The following ROBO1 variants were observed in gnomAD, a reference collection of about 807,000 sequenced individuals.
ROBO1 encodes the protein roundabout guidance receptor 1, also known as roundabout homolog 1.
A neutral mutation model predicts 195.9 loss-of-function variants in ROBO1; 149 were observed. That is an observed-to-expected ratio of 0.76 (90% CI 0.67 to 0.87). ROBO1 has a LOEUF of 0.87. Among genes scored for constraint, ROBO1 ranks in the 40% least tolerant of loss-of-function variants. The pLI is 0.00. For missense variants in ROBO1, 1,933 were observed against 2,068.3 expected, an observed-to-expected ratio of 0.93 and a Z score of 1.27; for synonymous variants, 816 against 733.2, an observed-to-expected ratio of 1.11 and a Z score of -1.82.
chr3:79,422,394 T>C (rs2038263738), intron 2 of ROBO1, among the ~76,000 whole-genome samples: 1 of 151,974 alleles, frequency 6.6e-6, no homozygotes, highest in African/African-American at 2.4e-5. Flanking sequence ...AGACCATACA[T>C]CCTGTGCACC....
At chr3:78,838,459 A>C (rs952319832) in intron 4 of ROBO1, among the ~76,000 whole-genome samples, 2 of 152,198 alleles carry the variant, frequency 1.3e-5, no homozygotes, top group Non-Finnish European at 2.9e-5. Flanking sequence ...TATTTGGCTC[A>C]CAATACTCAT....
intron 3 of ROBO1, among the ~76,000 whole-genome samples, chr3:78,941,870 G>A (rs971250425): frequency 6.6e-5 from 10 of 152,220 alleles, no homozygotes; most frequent in African/African-American, 2.4e-4. Context: ...AAGACAGCCA[G>A]AAACCATTAA....
At chr3:78,828,087 T>C (rs180755331) in intron 4 of ROBO1, among the ~76,000 whole-genome samples, 74 of 152,338 alleles carry the variant, frequency 4.9e-4, no homozygotes, top group Admixed American at 6.5e-4. Flanking sequence ...ACTCTGTTGC[T>C]AGATTCGTTT....
At chr3:79,713,859 C>T (rs952260798) in intron 1 of ROBO1, among the ~76,000 whole-genome samples, 1 of 152,054 alleles carries the variant, frequency 6.6e-6, no homozygotes, top group Non-Finnish European at 1.5e-5. Flanking sequence ...GAATCCTTTC[C>T]CCATTGCTTG....
At chr3:79,507,779 A>G (rs1940481058) in intron 2 of ROBO1, 1 of 154,606 alleles carries the variant, frequency 6.5e-6, no homozygotes, top group African/African-American at 2.4e-5. Flanking sequence ...TGTGGGCTGA[A>G]TGGTCCCTTC....
intron 2 of ROBO1, among the ~76,000 whole-genome samples, chr3:79,423,745 G>A (rs555163378): frequency 6.6e-6 from 1 of 152,140 alleles, no homozygotes; most frequent in African/African-American, 2.4e-5. Flanking sequence ...CATTACTGAC[G>A]ACAAATATAA....
intron 4 of ROBO1, among the ~76,000 whole-genome samples, chr3:78,837,993 T>C (rs577427682): frequency 1.3e-5 from 2 of 152,326 alleles, no homozygotes; most frequent in South Asian, 2.1e-4. Context: ...TGCCTGAACA[T>C]TTTCAGCATT....
rs559877565 is a variant in ROBO1, at chr3:78,723,534, T to G, written c.658-5651A>C. ...ACTTAGAAACAAGTAAATTTTAGGCTTTATAGATCATTATTATTTCCTCCA... is the reference window on the plus strand; with the variant it reads ...ACTTAGAAACAAGTAAATTTTAGGCGTTATAGATCATTATTATTTCCTCCA... On this transcript the variant is annotated intron_variant, in intron 5 of 30. Coordinates refer to ENST00000464233, the MANE Select transcript of ROBO1 (RefSeq NM_002941.4). Among the ~76,000 whole-genome samples the G allele has an allele frequency of 4.3e-4, 66 of 152,308 alleles. No homozygotes were observed. In the East Asian group the frequency reaches 9.6e-3, roughly 22 times the overall value.
At chr3:78,812,663 C>T (rs948032535) in intron 4 of ROBO1, among the ~76,000 whole-genome samples, 55 of 152,206 alleles carry the variant, frequency 3.6e-4, no homozygotes, top group African/African-American at 1.3e-3. Context: ...CTCCTCTTTA[C>T]TATAAACAGT....
chr3:79,231,414 A>G (rs2082319628), intron 2 of ROBO1, among the ~76,000 whole-genome samples: 1 of 152,190 alleles, frequency 6.6e-6, no homozygotes, highest in Admixed American at 6.5e-5. Context: ...ACATAAACTG[A>G]CACTTCTCAA....
chr3:78,979,492 G>A (rs1238993090), intron 3 of ROBO1, among the ~76,000 whole-genome samples: 1 of 152,124 alleles, frequency 6.6e-6, no homozygotes, highest in African/African-American at 2.4e-5. Context: ...TGTCTCCTCA[G>A]CAATGTAGAT....
chr3:78,994,799 C>A (rs1301055644), intron 3 of ROBO1, among the ~76,000 whole-genome samples: 1 of 152,262 alleles, frequency 6.6e-6, no homozygotes, highest in South Asian at 2.1e-4. Context: ...ATATTTGTAG[C>A]CTCTAAAATT....
intron 4 of ROBO1, among the ~76,000 whole-genome samples, chr3:78,864,738 ACACT>A (rs1400579734): frequency 2.0e-5 from 3 of 152,042 alleles, no homozygotes; most frequent in Non-Finnish European, 4.4e-5. Flanking sequence ...ATACATACAT[ACACT>A]ATGTTCTTTT....
At chr3:79,510,013 A>C (rs536378291) in intron 2 of ROBO1, among the ~76,000 whole-genome samples, 8 of 152,082 alleles carry the variant, frequency 5.3e-5, no homozygotes, top group African/African-American at 9.6e-5. Flanking sequence ...CAAAAAAAAA[A>C]CCAACCATTC....
chr3:79,423,385 T>G lies in ROBO1; in HGVS notation c.88+166439A>C, dbSNP rs137875846. ...GACAATCTTCACTTTCACTTCAAAC[T>G]GTAAATATTCATAGGAAGTAATGAC... On this transcript the variant is annotated intron_variant, in intron 2 of 30. Coordinates refer to ENST00000464233, the MANE Select transcript of ROBO1 (RefSeq NM_002941.4). Among the ~76,000 whole-genome samples the G allele has an allele frequency of 3.5e-4, 53 of 152,288 alleles. No homozygotes were observed. In the East Asian group the frequency reaches 7.5e-3, roughly 22 times the overall value.
At chr3:79,735,964 G>C (rs538960479) in intron 1 of ROBO1, among the ~76,000 whole-genome samples, 2 of 151,698 alleles carry the variant, frequency 1.3e-5, no homozygotes, top group African/African-American at 4.8e-5. Context: ...TATTTATTGA[G>C]CACATAACTA....
chr3:78,863,400 G>A (rs2034971092), intron 4 of ROBO1, among the ~76,000 whole-genome samples: 1 of 152,096 alleles, frequency 6.6e-6, no homozygotes, highest in Admixed American at 6.6e-5. Flanking sequence ...ACAACTAAGT[G>A]CAGGAAGGAG....
At chr3:78,995,419 C>G (rs563720867) in intron 3 of ROBO1, among the ~76,000 whole-genome samples, 9 of 152,224 alleles carry the variant, frequency 5.9e-5, no homozygotes, top group Middle Eastern at 3.4e-3. Flanking sequence ...CTATCCACCT[C>G]CCTGGCACCA....
chr3:78,939,450 TAAAA>T (rs772177770), intron 3 of ROBO1, among the ~76,000 whole-genome samples: 1 of 129,136 alleles, frequency 7.7e-6, no homozygotes, highest in Non-Finnish European at 1.7e-5. Flanking sequence ...CCGTCTCTAC[TAAAA>T]AAAAAAAAAA....
Sources: gnomAD v4.1 joint callset for allele counts (sites outside exome capture counted in the v4.1 genomes callset) on GRCh38, gnomAD v4.1.1 for gene constraint, MANE v1.5 for transcripts, NCBI Gene and HGNC (gene_info 2026-07-23, HGNC 2026-07-21) for gene names.